Variants in SCUBE3 observed in about 807,000 individuals in gnomAD.
SCUBE3 encodes the protein signal peptide, CUB domain and EGF like domain containing 3, also known as signal peptide, CUB and EGF-like domain-containing protein 3.
In SCUBE3, 33 loss-of-function variants were observed where a neutral mutation model predicts 116.8. That is an observed-to-expected ratio of 0.28 (90% CI 0.21 to 0.38). The LOEUF (loss-of-function observed/expected upper bound fraction) is 0.38. Ranked by LOEUF, SCUBE3 falls within the 10% of genes least tolerant of loss-of-function variation. SCUBE3 has a pLI of 1.00. For synonymous variants in SCUBE3, 418 were observed against 496.9 expected (o/e 0.84, Z 2.11); for missense variants, 1,007 against 1,324.8 (o/e 0.76, Z 3.72).
At chr6:35,238,691 G>C (rs1162951799) in intron 7 of SCUBE3, among the ~76,000 whole-genome samples, 1 of 152,212 alleles carries the variant, frequency 6.6e-6, no homozygotes, top group African/African-American at 2.4e-5. Flanking sequence ...TTACAGTATA[G>C]TTACCCACAT....
In SCUBE3 at chr6:35,242,277, A is replaced by C; in HGVS notation, c.1491A>C (p.Arg497=). Residue 497 remains arginine, a synonymous_variant, in exon 13 of 22, where the codon CGA becomes CGC. Coordinates refer to ENST00000274938, the MANE Select transcript of SCUBE3 (RefSeq NM_152753.4). The part of the protein sequence containing the change: ...IKDAKCRLHL[R]NKGKTEEAGR... ...ATGCCAAATGCCGTTTGCACCTGCGAAACAAAGGCAAAACAGAGGAGGCTG... is the reference window on the plus strand; with the variant it reads ...ATGCCAAATGCCGTTTGCACCTGCGCAACAAAGGCAAAACAGAGGAGGCTG... 6.2e-7 allele frequency: 1 copy of C among 1,614,094 alleles called. No homozygotes were observed. The highest frequency in any genetic ancestry group is 2.2e-5 in the East Asian group (1 of 44,878).
intron 3 of SCUBE3, among the ~76,000 whole-genome samples, chr6:35,230,628 A>C (rs1193128330): frequency 6.6e-6 from 1 of 152,202 alleles, no homozygotes; most frequent in African/African-American, 2.4e-5. Flanking sequence ...TCAAGAGAAC[A>C]GCAAAAGACA....
intron 21 of SCUBE3, among the ~76,000 whole-genome samples, chr6:35,247,454 A>AAG (rs3045129): frequency 6.6e-6 from 1 of 151,070 alleles, no homozygotes; most frequent in Non-Finnish European, 1.5e-5. Context: ...AAAAAAAAAA[A>AAG]GGAAACTATA....
rs1185613192 is a variant in SCUBE3 at position 35,228,632 on chromosome 6, G to A, written c.227G>A (p.Arg76Gln). The change falls in exon 3 of 22, where the codon CGA (arginine) becomes CAA (glutamine). Residue 76 changes from arginine (R) to glutamine (Q), a missense_variant. Physicochemically the swap from Arg to Gln is conservative, Grantham distance 43. Transcript: ENST00000274938. This position sits in a 1 kb window ranked among gnomAD's most constrained non-coding sequence, Gnocchi z 4.9. ...CCCACAGACGTGGATGAGTGCGAGCGAGAGGATAATGCAGGTTGTGTGCAT... is the reference window on the plus strand; with the variant it reads ...CCCACAGACGTGGATGAGTGCGAGCAAGAGGATAATGCAGGTTGTGTGCAT... ...KHCKDVDECE[R>Q]EDNAGCVHDC... The A allele has an allele frequency of 1.9e-6, 3 of 1,614,098 alleles. No individual in the cohort carries two copies. Among genetic ancestry groups the A allele is most frequent in the Admixed American group, 1.7e-5 (1 of 60,020 alleles).
rs756852591 is a variant in SCUBE3 at position 35,240,042 on chromosome 6, T to G, written c.952+168T>G. Among the ~76,000 whole-genome samples, 2 of 152,214 alleles carry G rather than the reference T, an allele frequency of 1.3e-5. No individual in the cohort carries two copies. Among genetic ancestry groups the G allele is most frequent in the Non-Finnish European group, 2.9e-5 (2 of 68,048 alleles). ...ATGGTACTCTTTCCCCTCAGCGGACTAGCTCCATATCAAAGCATTCAGCCT... is the reference window on the plus strand; with the variant it reads ...ATGGTACTCTTTCCCCTCAGCGGACGAGCTCCATATCAAAGCATTCAGCCT... On this transcript the variant is annotated intron_variant, in intron 8 of 21. Transcript: ENST00000274938. The surrounding 1 kb of genome is among the most constrained non-coding windows in gnomAD (Gnocchi z 4.6).
Position 35,231,707 on chromosome 6 carries a change from A to G in SCUBE3, c.335-18A>G. On this transcript the variant is annotated intron_variant, in intron 3 of 21. Coordinates refer to ENST00000274938, the MANE Select transcript of SCUBE3 (RefSeq NM_152753.4). The surrounding 1 kb of genome is among the most constrained non-coding windows in gnomAD (Gnocchi z 4.2). The stretch of plus-strand genomic sequence containing the variant: ...CTGCCTGTACCCCATGACCCCACTG[A>G]CTACCTATCCTGCACAGATGTGGAC... 1 of 1,589,952 alleles carries G rather than the reference A, an allele frequency of 6.3e-7. No homozygotes were observed. The highest frequency in any genetic ancestry group is 8.6e-7 in the Non-Finnish European group (1 of 1,161,324).
Position 35,241,797 on chromosome 6 carries a change from T to A in SCUBE3, c.1313-9T>A. ...GCAGGTCAGAACTGTGACAGGCTCCTTTTCTCAGAGTCTGAGAATGGCTTC... is the reference window on the plus strand; with the variant it reads ...GCAGGTCAGAACTGTGACAGGCTCCATTTCTCAGAGTCTGAGAATGGCTTC... On this transcript the variant is annotated splice_polypyrimidine_tract_variant and intron_variant, in intron 11 of 21. Coordinates refer to ENST00000274938, the MANE Select transcript of SCUBE3 (RefSeq NM_152753.4). This position sits in a 1 kb window ranked among gnomAD's most constrained non-coding sequence, Gnocchi z 4.1. 1 of 1,604,876 alleles carries A rather than the reference T, an allele frequency of 6.2e-7. No homozygotes were observed. Among genetic ancestry groups the A allele is most frequent in the East Asian group, 2.2e-5 (1 of 44,844 alleles).
chr6:35,232,616 G>C lies in SCUBE3; in HGVS notation c.470-234G>C, dbSNP rs1391934062. ...AAAGGGTGATCATTCGTTGGGATGA[G>C]TATCAATAGCTAGCTAGTTATACAT... On this transcript the variant is annotated intron_variant, in intron 4 of 21. Transcript: ENST00000274938. The surrounding 1 kb of genome is among the most constrained non-coding windows in gnomAD (Gnocchi z 4.2). Among the ~76,000 whole-genome samples, 1 of 152,172 alleles carries C rather than the reference G, an allele frequency of 6.6e-6. No homozygotes were observed. The highest frequency in any genetic ancestry group is 1.5e-5 in the Non-Finnish European group (1 of 68,030).
Position 35,228,540 on chromosome 6 carries a change from C to T in SCUBE3, c.209-74C>T. ...ATGAACATAACTATGTAAACACAAC[C>T]ATAAGGCTGAGTCTGGGGGTGGACA... On this transcript the variant is annotated intron_variant, in intron 2 of 21. Transcript: ENST00000274938. The surrounding 1 kb of genome is among the most constrained non-coding windows in gnomAD (Gnocchi z 4.9). 1 of 1,544,412 alleles carries T rather than the reference C, an allele frequency of 6.5e-7. No individual in the cohort carries two copies. The highest frequency in any genetic ancestry group is 8.9e-7 in the Non-Finnish European group (1 of 1,125,750).
At chr6:35,238,605 G>A (rs1562053033) in intron 7 of SCUBE3, among the ~76,000 whole-genome samples, 1 of 152,194 alleles carries the variant, frequency 6.6e-6, no homozygotes, top group South Asian at 2.1e-4. Flanking sequence ...ATACTGTGTT[G>A]TGATTAAAAG....
Position 35,228,605 on chromosome 6 carries a change from T to C in SCUBE3, c.209-9T>C. On this transcript the variant is annotated splice_polypyrimidine_tract_variant and intron_variant, in intron 2 of 21. Coordinates refer to ENST00000274938, the MANE Select transcript of SCUBE3 (RefSeq NM_152753.4). The surrounding 1 kb of genome is among the most constrained non-coding windows in gnomAD (Gnocchi z 4.9). ...GGGTTCAGCTGTCTCAGCTTCCCTT[T>C]GCCCACAGACGTGGATGAGTGCGAG... is the stretch of plus-strand genomic sequence containing the variant. 4 of 1,613,532 alleles carry C rather than the reference T, an allele frequency of 2.5e-6. No homozygotes were observed. The highest frequency in any genetic ancestry group is 3.4e-6 in the Non-Finnish European group (4 of 1,179,704).
In SCUBE3 at chr6:35,241,851, G is replaced by A; in HGVS notation, c.1358G>A (p.Arg453Lys). The A allele has an allele frequency of 1.2e-6, 2 of 1,612,928 alleles. No individual in the cohort carries two copies. The highest frequency in any genetic ancestry group is 1.7e-6 in the Non-Finnish European group (2 of 1,180,002). The change falls in exon 12 of 22, where the codon AGG becomes AAG. Residue 453 changes from arginine to lysine, a missense_variant. By Grantham distance (26) the Arg-to-Lys change is conservative (BLOSUM62 2). Coordinates refer to ENST00000274938, the MANE Select transcript of SCUBE3 (RefSeq NM_152753.4). This position sits in a 1 kb window ranked among gnomAD's most constrained non-coding sequence, Gnocchi z 4.1. ...FTVSCGTPSP[R>K]AAPARAGHNG... The stretch of plus-strand genomic sequence containing the variant: ...GTGAGCTGTGGGACCCCCAGCCCCA[G>A]GGCTGCTCCAGCCCGAGCTGGCCAC...
In SCUBE3 at chr6:35,231,660, G is replaced by T. The variant is rs374234143; in HGVS notation, c.335-65G>T. ...TCTTAAGACTGCCTTTGGTGCTGAA[G>T]TCTTGGGATATACCCTGGACCCTGC... On this transcript the variant is annotated intron_variant, in intron 3 of 21. Transcript: ENST00000274938. The surrounding 1 kb of genome is among the most constrained non-coding windows in gnomAD (Gnocchi z 4.2). 3 of 1,454,020 alleles carry T rather than the reference G, an allele frequency of 2.1e-6. 1 individual carries two copies. 90.1% of individuals were successfully genotyped at this position (1,454,020 alleles called of 1,614,324 possible).
In SCUBE3 at chr6:35,235,563, C is replaced by T. The variant is rs1783735372; in HGVS notation, c.712+2262C>T. 1 of 864,916 alleles carries T rather than the reference C, an allele frequency of 1.2e-6. No individual in the cohort carries two copies. Among genetic ancestry groups the T allele is most frequent in the East Asian group, 6.2e-5 (1 of 16,110 alleles). 53.6% of individuals were successfully genotyped at this position (864,916 alleles called of 1,614,324 possible). A position where few individuals can be genotyped will look rare whatever the true frequency, so the allele number is the denominator to read the frequency against. ...GGGAAGGGCTAACCCGCTGGGGCTC[C>T]CACTAACTGCATGCCCACTGGGCCC... On this transcript the variant is annotated intron_variant, in intron 6 of 21. Coordinates refer to ENST00000274938, the MANE Select transcript of SCUBE3 (RefSeq NM_152753.4). The surrounding 1 kb of genome is among the most constrained non-coding windows in gnomAD (Gnocchi z 4.5).
In SCUBE3 at chr6:35,245,858, C is replaced by A; in HGVS notation, c.2600-86C>A. 1 of 1,404,722 alleles carries A rather than the reference C, an allele frequency of 7.1e-7. No individual in the cohort carries two copies. Among genetic ancestry groups the A allele is most frequent in the Non-Finnish European group, 9.9e-7 (1 of 1,012,546 alleles). 87.0% of individuals were successfully genotyped at this position (1,404,722 alleles called of 1,614,324 possible). A position where few individuals can be genotyped will look rare whatever the true frequency, so the allele number is the denominator to read the frequency against. ...CAGAATGATTCTCTTGCCCTATACC[C>A]CCACCACCAGCTGTACAGCCCACGT... On this transcript the variant is annotated intron_variant, in intron 19 of 21. Transcript: ENST00000274938. The surrounding 1 kb of genome is among the most constrained non-coding windows in gnomAD (Gnocchi z 4.2).
Position 35,245,308 on chromosome 6 carries a change from G to A in SCUBE3, c.2482G>A (p.Val828Met). The A allele has an allele frequency of 1.2e-6, 2 of 1,614,124 alleles. No homozygotes were observed. Among genetic ancestry groups the A allele is most frequent in the Non-Finnish European group, 1.7e-6 (2 of 1,179,976 alleles). Residue 828 changes from valine to methionine, a missense_variant, in exon 19 of 22, where the codon GTG becomes ATG. Coordinates refer to ENST00000274938, the MANE Select transcript of SCUBE3 (RefSeq NM_152753.4). This position sits in a 1 kb window ranked among gnomAD's most constrained non-coding sequence, Gnocchi z 4.2. ...CTACCCGGGCAACTACCCAGCTGGT[G>A]TGGAGTGCATCTGGAACATCAACCC... Reference protein sequence around the residue: ...PNYPGNYPAGVECIWNINPPP... With the variant: ...PNYPGNYPAGMECIWNINPPP...
At position 35,249,601 on chromosome 6, in the gene SCUBE3, C is replaced by A. The variant is rs1322721473; in HGVS notation, c.*896C>A. Reference sequence around the variant, plus strand: ...CCTTTTCTTGTCTTCCCTGGCCCAGCCACCTCCTCAGCCCCATGTGATGCT... The same window carrying A: ...CCTTTTCTTGTCTTCCCTGGCCCAGACACCTCCTCAGCCCCATGTGATGCT... On this transcript the variant is annotated 3_prime_UTR_variant, in exon 22 of 22. Transcript: ENST00000274938. The A allele has an allele frequency of 6.6e-6, 1 of 152,512 alleles. No homozygotes were observed. The highest frequency in any genetic ancestry group is 1.5e-5 in the Non-Finnish European group (1 of 68,206). The allele number at this position is 152,512 out of a possible 1,614,324, so 9.4% of individuals were successfully genotyped here. A position where few individuals can be genotyped will look rare whatever the true frequency, so the allele number is the denominator to read the frequency against.
Position 35,231,865 on chromosome 6 carries a change from C to T in SCUBE3, c.469+6C>T. On this transcript the variant is annotated splice_donor_region_variant and intron_variant, in intron 4 of 21. Coordinates refer to ENST00000274938, the MANE Select transcript of SCUBE3 (RefSeq NM_152753.4). The surrounding 1 kb of genome is among the most constrained non-coding windows in gnomAD (Gnocchi z 4.2). The stretch of plus-strand genomic sequence containing the variant: ...CTGTATCCAGCGGCCAGAAGGTCAG[C>T]CCATGACCTGGGATGGCCCCATCCC... 1 of 1,604,240 alleles carries T rather than the reference C, an allele frequency of 6.2e-7. No individual in the cohort carries two copies. Among genetic ancestry groups the T allele is most frequent in the Non-Finnish European group, 8.5e-7 (1 of 1,172,562 alleles).
At chr6:35,224,163 A>T (rs1282827391) in intron 1 of SCUBE3, 1 of 152,226 alleles carries the variant, frequency 6.6e-6, no homozygotes, top group African/African-American at 2.4e-5. Context: ...TAACGAAAAT[A>T]CGCAAATGCA....
Sources: allele counts gnomAD v4.1 joint callset (sites outside exome capture counted in the v4.1 genomes callset), GRCh38; gene constraint gnomAD v4.1.1; non-coding constraint Gnocchi (gnomAD v3.1); transcripts MANE v1.5; gene names NCBI Gene and HGNC (gene_info 2026-07-23, HGNC 2026-07-21).